Variants in XRCC6 observed in about 807,000 individuals in gnomAD.
XRCC6 encodes DNA repair protein Ku70.
XRCC6 carries 5 observed loss-of-function variants against 65.7 expected under a neutral mutation model. The observed-to-expected ratio is 0.08, with a 90% CI of 0.04 to 0.16. The LOEUF is 0.16. XRCC6 is among the 10% of genes least tolerant of loss of function. The probability of loss-of-function intolerance (pLI) is 1.00; values close to 1 mark genes in which losing one functional copy is unlikely to be tolerated. For missense variants in XRCC6, 447 were observed against 738.1 expected, an observed-to-expected ratio of 0.61 and a Z score of 4.57; for synonymous variants, 270 against 270.6, an observed-to-expected ratio of 1.00 and a Z score of 0.02.
intron 2 of XRCC6, among the ~76,000 whole-genome samples, chr22:41,626,071 C>T (rs2067666818): frequency 6.6e-6 from 1 of 151,600 alleles, no homozygotes; most frequent in South Asian, 2.1e-4. Context: ...ATCTCTTGAC[C>T]TTGTGATCCA....
rs772870059 is a variant in XRCC6, at chr22:41,650,881, G to A, written c.1119G>A (p.Ser373=). ...CCCTGTTCGTGTACCCAGAGGAGTC[G>A]CTGGTGATTGGTAAGTAGCGTGGAC... is the stretch of plus-strand genomic sequence containing the variant. ...RPSLFVYPEE[S]LVIGSSTLFS... Residue 373 remains serine, a synonymous_variant, in exon 8 of 13, where the codon TCG becomes TCA. Coordinates refer to ENST00000360079, the MANE Select transcript of XRCC6 (RefSeq NM_001469.5). The A allele has an allele frequency of 5.3e-5, 85 of 1,614,006 alleles. No homozygotes were observed. Among genetic ancestry groups the A allele is most frequent in the Non-Finnish European group, 6.8e-5 (80 of 1,180,008 alleles).
In XRCC6 at chr22:41,653,704, A is replaced by G. The variant is rs760292240; in HGVS notation, c.1291+14A>G. ...TGACTCCTCCAGGTATGTGGCAGAGATATTTCCAGGGCTTCTGAACCTTGC... is the reference window on the plus strand; with the variant it reads ...TGACTCCTCCAGGTATGTGGCAGAGGTATTTCCAGGGCTTCTGAACCTTGC... On this transcript the variant is annotated intron_variant, in intron 9 of 12. Coordinates refer to ENST00000360079, the MANE Select transcript of XRCC6 (RefSeq NM_001469.5). 16 of 1,611,872 alleles carry G rather than the reference A, an allele frequency of 9.9e-6. No individual in the cohort carries two copies. In the South Asian group the frequency reaches 1.5e-4, roughly 16 times the overall value.
At chr22:41,631,877 G>C (rs1322379861) in intron 3 of XRCC6, among the ~76,000 whole-genome samples, 1 of 152,172 alleles carries the variant, frequency 6.6e-6, no homozygotes, top group Non-Finnish European at 1.5e-5. Flanking sequence ...TGCAATCCCG[G>C]CACCTCCGGA....
chr22:41,630,033 G>A (rs2067722927), intron 3 of XRCC6, among the ~76,000 whole-genome samples: 1 of 147,034 alleles, frequency 6.8e-6, no homozygotes, highest in Admixed American at 6.8e-5. Context: ...CACCAGGCTG[G>A]AGTGCAGTGG....
chr22:41,621,909 A>C, intron 1 of XRCC6, 81 bp from the exon 2 acceptor site: 1 of 1,378,148 alleles, frequency 7.3e-7, no homozygotes, highest in Non-Finnish European at 1.0e-6. Context: ...AAGCTTTTAG[A>C]ACAGATCTCA....
At chr22:41,642,885 G>T (rs2067893126) in intron 6 of XRCC6, among the ~76,000 whole-genome samples, 1 of 152,200 alleles carries the variant, frequency 6.6e-6, no homozygotes, top group African/African-American at 2.4e-5. Context: ...ACACTCATCT[G>T]TGAGTCACAT....
intron 7 of XRCC6, among the ~76,000 whole-genome samples, chr22:41,649,137 A>ATATATATATATATATATAT (rs1555906685): frequency 1.1e-5 from 1 of 92,892 alleles, no homozygotes; most frequent in Non-Finnish European, 2.0e-5. Context: ...AAAAAAAAAA[A>ATATATATATATATATATAT]AAATATATAT....
At chr22:41,662,029 A>T (rs2068104355) in intron 12 of XRCC6, among the ~76,000 whole-genome samples, 1 of 152,202 alleles carries the variant, frequency 6.6e-6, no homozygotes, top group African/African-American at 2.4e-5. Flanking sequence ...AAACAATTGA[A>T]CTCATGGAGA....
chr22:41,651,126 C>T (rs185612335), intron 8 of XRCC6, among the ~76,000 whole-genome samples: 144 of 152,140 alleles, frequency 9.5e-4, no homozygotes, highest in African/African-American at 3.3e-3. Flanking sequence ...GGTGAAACCT[C>T]GTCTCTACTA....
chr22:41,661,769 A>G (rs917634508), intron 12 of XRCC6: 6 of 213,514 alleles, frequency 2.8e-5, no homozygotes, highest in Non-Finnish European at 5.6e-5. Context: ...GGAGATCAAT[A>G]TATCAAAGAG....
chr22:41,637,882 T>A, intron 6 of XRCC6, 91 bp downstream of exon 6: 1 of 1,400,284 alleles, frequency 7.1e-7, no homozygotes. Flanking sequence ...CCCAACAGTT[T>A]GGGAGGCCAA....
intron 3 of XRCC6, among the ~76,000 whole-genome samples, chr22:41,629,697 T>A (rs984764507): frequency 6.6e-6 from 1 of 152,106 alleles, no homozygotes; most frequent in Non-Finnish European, 1.5e-5. Context: ...TGAGACGGAG[T>A]CTCGCTCTGT....
At chr22:41,626,883 G>A (rs1454556812) in intron 2 of XRCC6, among the ~76,000 whole-genome samples, 7 of 150,534 alleles carry the variant, frequency 4.7e-5, no homozygotes, top group Admixed American at 3.3e-4. Context: ...CTCGTGATCC[G>A]CGCGCCTCGG....
intron 2 of XRCC6, among the ~76,000 whole-genome samples, chr22:41,622,589 TA>T (rs1569075897): frequency 6.6e-6 from 1 of 152,190 alleles, no homozygotes; most frequent in Non-Finnish European, 1.5e-5. Flanking sequence ...GGGGTACATG[TA>T]ATCTTCATAC....
chr22:41,636,977 A>G (rs1028893959), intron 5 of XRCC6, among the ~76,000 whole-genome samples: 1 of 152,156 alleles, frequency 6.6e-6, no homozygotes, highest in Admixed American at 6.6e-5. Context: ...GAATAAAATA[A>G]AAAAATAAAG....
chr22:41,639,902 C>T (rs1029992321), intron 6 of XRCC6, among the ~76,000 whole-genome samples: 1 of 151,710 alleles, frequency 6.6e-6, no homozygotes, highest in Non-Finnish European at 1.5e-5. Context: ...TCGTGATCCG[C>T]CCGCCTCGGC....
chr22:41,637,078 A>ATTTTT (rs35433922), intron 5 of XRCC6, among the ~76,000 whole-genome samples: 3 of 88,704 alleles, frequency 3.4e-5, no homozygotes, highest in Non-Finnish European at 2.4e-5. Flanking sequence ...GATTGTCTTG[A>ATTTTT]TTTTTTTTTT....
chr22:41,634,771 C>T (rs28384722), intron 3 of XRCC6, among the ~76,000 whole-genome samples: 2,617 of 152,044 alleles, frequency 0.017, 75 homozygotes, highest in African/African-American at 0.059. Flanking sequence ...TCTCGAACTC[C>T]TGACCTCGTC....
Position 41,629,327 on chromosome 22 carries a change from T to C in XRCC6, c.195+1097T>C, listed in dbSNP as rs367975968. 3.9e-5 allele frequency among the ~76,000 whole-genome samples: 6 copies of C among 152,308 alleles called. No homozygotes were observed. In the East Asian group the frequency reaches 9.6e-4, roughly 24 times the overall value. On this transcript the variant is annotated intron_variant, in intron 3 of 12. Transcript: ENST00000360079. ...ACCTCTATCTTATTCCAAAACATTT[T>C]GAATGGCTAAACAGTGGCATATAGA...
Sources: gnomAD v4.1 joint callset for allele counts (sites outside exome capture counted in the v4.1 genomes callset) on GRCh38, gnomAD v4.1.1 for gene constraint, MANE v1.5 for transcripts, NCBI Gene and HGNC (gene_info 2026-07-23, HGNC 2026-07-21) for gene names.